Variants in GRID2 observed in about 807,000 individuals in gnomAD.
GRID2 encodes glutamate receptor ionotropic, delta-2.
Under a neutral mutation model 114.8 loss-of-function variants are expected in GRID2, and 33 were observed. The ratio of observed to expected loss-of-function variants is 0.29; its 90% confidence interval spans 0.22 to 0.38. GRID2 has a LOEUF of 0.38. Ranked by LOEUF, GRID2 falls within the 10% of genes least tolerant of loss-of-function variation. GRID2 has a pLI of 1.00. For missense variants in GRID2, 1,184 were observed against 1,257.7 expected, an observed-to-expected ratio of 0.94 and a Z score of 0.89; for synonymous variants, 505 against 449.9, an observed-to-expected ratio of 1.12 and a Z score of -1.55.
intron 4 of GRID2, among the ~76,000 whole-genome samples, chr4:93,120,164 A>C (rs1221555153): frequency 6.6e-6 from 1 of 152,204 alleles, no homozygotes; most frequent in East Asian, 1.9e-4. Context: ...AAATTAGTTC[A>C]ACCATTGTGG....
chr4:92,818,367 T>A (rs755902577), intron 2 of GRID2, among the ~76,000 whole-genome samples: 52 of 152,128 alleles, frequency 3.4e-4, no homozygotes, highest in Non-Finnish European at 6.5e-4. Context: ...ATTATCTTTG[T>A]ATTCAGGAAA....
intron 8 of GRID2, among the ~76,000 whole-genome samples, chr4:93,244,495 ATTAATAGATTATATAAT>A: frequency 3.8e-5 from 2 of 52,680 alleles, no homozygotes; most frequent in Admixed American, 2.5e-4. Flanking sequence ...TAATCTATTA[ATTAATAGATTATATAAT>A]CTATTAATTA....
At chr4:93,533,032 T>C (rs1731611232) in intron 13 of GRID2, among the ~76,000 whole-genome samples, 1 of 152,326 alleles carries the variant, frequency 6.6e-6, no homozygotes, top group Non-Finnish European at 1.5e-5. Flanking sequence ...CACCAAATGA[T>C]GTATTGGACC....
At chr4:92,948,780 T>A (rs932929002) in intron 2 of GRID2, among the ~76,000 whole-genome samples, 1 of 152,034 alleles carries the variant, frequency 6.6e-6, no homozygotes, top group Non-Finnish European at 1.5e-5. Flanking sequence ...AATGAATTAG[T>A]ACAATCTCTG....
intron 2 of GRID2, among the ~76,000 whole-genome samples, chr4:92,964,714 C>T (rs561490440): frequency 6.6e-6 from 1 of 152,080 alleles, no homozygotes; most frequent in East Asian, 1.9e-4. Flanking sequence ...CAAACCTCTG[C>T]TGGCTTCTAT....
intron 14 of GRID2, among the ~76,000 whole-genome samples, chr4:93,646,442 C>A (rs1722121260): frequency 1.3e-5 from 2 of 151,996 alleles, no homozygotes; most frequent in South Asian, 2.1e-4. Context: ...AGAGAGGGAA[C>A]AAACAAGGCA....
At chr4:92,839,223 T>C (rs1386405081) in intron 2 of GRID2, among the ~76,000 whole-genome samples, 3 of 152,042 alleles carry the variant, frequency 2.0e-5, no homozygotes, top group African/African-American at 7.2e-5. Flanking sequence ...CTTGGTGTTG[T>C]TATGTTTAGA....
intron 14 of GRID2, among the ~76,000 whole-genome samples, chr4:93,742,025 G>A (rs1030943804): frequency 6.6e-6 from 1 of 152,026 alleles, no homozygotes; most frequent in Non-Finnish European, 1.5e-5. Context: ...TAGGAAATAG[G>A]TTTGGGAAAT....
At chr4:93,587,894 T>C (rs1375118196) in intron 13 of GRID2, among the ~76,000 whole-genome samples, 1 of 152,068 alleles carries the variant, frequency 6.6e-6, no homozygotes, top group East Asian at 1.9e-4. Flanking sequence ...TAAGAAACAT[T>C]TTGCATATTA....
chr4:93,183,989 A>G (rs553952566), intron 4 of GRID2, among the ~76,000 whole-genome samples: 213 of 152,338 alleles, frequency 1.4e-3, no homozygotes, highest in African/African-American at 4.8e-3. Flanking sequence ...GCCTAAATGA[A>G]TGATGCACAT....
chr4:93,596,549 G>GC (rs1165190810), intron 13 of GRID2, among the ~76,000 whole-genome samples: 1 of 151,962 alleles, frequency 6.6e-6, no homozygotes, highest in Non-Finnish European at 1.5e-5. Flanking sequence ...CTGCACTCCA[G>GC]CCTGGGCGAC....
At chr4:92,719,689 G>T (rs549512008) in intron 2 of GRID2, among the ~76,000 whole-genome samples, 1 of 152,204 alleles carries the variant, frequency 6.6e-6, no homozygotes, top group East Asian at 1.9e-4. Context: ...GGACGTCAAA[G>T]ATGTTGATCT....
intron 1 of GRID2, among the ~76,000 whole-genome samples, chr4:92,477,039 A>ATGTGTGTGTGTG (rs70940894): frequency 2.5e-5 from 3 of 119,482 alleles, no homozygotes; most frequent in Admixed American, 1.7e-4. Flanking sequence ...ATTTAACTTC[A>ATGTGTGTGTGTG]TGTGTGTGTG....
At chr4:93,761,042 A>T (rs1380659521) in intron 14 of GRID2, among the ~76,000 whole-genome samples, 1 of 152,214 alleles carries the variant, frequency 6.6e-6, no homozygotes, top group Non-Finnish European at 1.5e-5. Context: ...AAACCAAAGA[A>T]ATTCAAAATT....
At chr4:93,274,055 T>C (rs201193013) in intron 8 of GRID2, among the ~76,000 whole-genome samples, 1 of 128,104 alleles carries the variant, frequency 7.8e-6, no homozygotes, top group Non-Finnish European at 1.7e-5. Flanking sequence ...TACTTTTTCT[T>C]TTTTTGTTTT....
intron 13 of GRID2, among the ~76,000 whole-genome samples, chr4:93,557,825 C>A (rs1734467528): frequency 6.6e-6 from 1 of 152,118 alleles, no homozygotes; most frequent in South Asian, 2.1e-4. Context: ...TAAAATTGAC[C>A]ACATAATTGG....
chr4:93,154,848 AACC>A (rs1385101869), intron 4 of GRID2, among the ~76,000 whole-genome samples: 1 of 151,858 alleles, frequency 6.6e-6, no homozygotes, highest in Non-Finnish European at 1.5e-5. Context: ...ATTCCTTAGG[AACC>A]CATTCTCTGT....
intron 1 of GRID2, among the ~76,000 whole-genome samples, chr4:92,341,633 T>G (rs561037967): frequency 2.0e-5 from 3 of 152,040 alleles, no homozygotes; most frequent in Non-Finnish European, 2.9e-5. Flanking sequence ...TTTAAAAAAT[T>G]TATGTGGCCC....
chr4:93,517,635 AC>A (rs1729864245), intron 13 of GRID2, among the ~76,000 whole-genome samples: 1 of 152,074 alleles, frequency 6.6e-6, no homozygotes, highest in African/African-American at 2.4e-5. Flanking sequence ...TATTAAAAAA[AC>A]AACCAACAAA....
Sources: allele counts gnomAD v4.1 joint callset (sites outside exome capture counted in the v4.1 genomes callset), GRCh38; gene constraint gnomAD v4.1.1; transcripts MANE v1.5; gene names NCBI Gene and HGNC (gene_info 2026-07-23, HGNC 2026-07-21).